The following UNC13C variants were observed in gnomAD, a reference collection of about 807,000 sequenced individuals.
UNC13C encodes unc-13 homolog C, also known as protein unc-13 homolog C.
Under a neutral mutation model 245.4 loss-of-function variants are expected in UNC13C, and 174 were observed. The ratio of observed to expected loss-of-function variants is 0.71; its 90% CI spans 0.63 to 0.80. The LOEUF is 0.80. Among genes scored for constraint, UNC13C ranks in the 30% least tolerant of loss-of-function variants. The pLI, the probability that UNC13C is intolerant of heterozygous loss-of-function variation, is 0.00. For missense variants in UNC13C, 2,829 were observed against 2,602.9 expected (o/e 1.09, Z -1.89); for synonymous variants, 992 against 895.1 (o/e 1.11, Z -1.93).
At chr15:54,553,422 TTATA>T (rs1256700563) in intron 28 of UNC13C, among the ~76,000 whole-genome samples, 1 of 132,268 alleles carries the variant, frequency 7.6e-6, no homozygotes, top group Non-Finnish European at 1.6e-5. Flanking sequence ...ATATATAATA[TTATA>T]TATAATATAT....
At chr15:54,451,764 C>G (rs987849164) in intron 19 of UNC13C, among the ~76,000 whole-genome samples, 7 of 151,934 alleles carry the variant, frequency 4.6e-5, no homozygotes, top group African/African-American at 1.7e-4. Flanking sequence ...TGATAAATTT[C>G]TTTTTCATTG....
At chr15:54,545,978 C>G (rs901200929) in intron 26 of UNC13C, among the ~76,000 whole-genome samples, 3 of 152,050 alleles carry the variant, frequency 2.0e-5, no homozygotes, top group African/African-American at 7.2e-5. Flanking sequence ...GACTATATAC[C>G]CAAAGGATTA....
intron 13 of UNC13C, among the ~76,000 whole-genome samples, chr15:54,313,665 G>C (rs1011419149): frequency 2.0e-5 from 3 of 151,706 alleles, no homozygotes; most frequent in African/African-American, 4.8e-5. Context: ...TGGGGAATAA[G>C]TCAAACAAAT....
At chr15:54,002,022 C>T (rs1335573481) in intron 1 of UNC13C, among the ~76,000 whole-genome samples, 1 of 152,296 alleles carries the variant, frequency 6.6e-6, no homozygotes, top group East Asian at 1.9e-4. Flanking sequence ...CGTGGTGGCT[C>T]ACGCCTGTAA....
intron 2 of UNC13C, among the ~76,000 whole-genome samples, chr15:54,026,158 A>G (rs969445447): frequency 2.0e-5 from 3 of 152,186 alleles, no homozygotes; most frequent in Non-Finnish European, 2.9e-5. Flanking sequence ...TGCCCTTTGC[A>G]TTTTCTAGAA....
chr15:54,502,254 G>A (rs908120898), intron 22 of UNC13C, among the ~76,000 whole-genome samples: 1 of 152,006 alleles, frequency 6.6e-6, no homozygotes, highest in African/African-American at 2.4e-5. Context: ...TGTATGGAAG[G>A]GCCAAAGCTG....
At chr15:54,553,618 C>A (rs1270684008) in intron 28 of UNC13C, among the ~76,000 whole-genome samples, 4 of 149,610 alleles carry the variant, frequency 2.7e-5, no homozygotes, top group African/African-American at 9.8e-5. Context: ...ATATTAAAAC[C>A]AATTGATGAA....
chr15:54,290,860 T>C (rs1419126807), intron 10 of UNC13C, among the ~76,000 whole-genome samples: 1 of 152,020 alleles, frequency 6.6e-6, no homozygotes, highest in East Asian at 1.9e-4. Context: ...TATTTGCAGG[T>C]AAAAAATGCA....
chr15:54,362,734 T>C (rs1274102245), intron 17 of UNC13C, among the ~76,000 whole-genome samples: 1 of 152,008 alleles, frequency 6.6e-6, no homozygotes, highest in Non-Finnish European at 1.5e-5. Context: ...ACTCTAATGA[T>C]CGAAAATCAC....
At chr15:54,067,792 A>G (rs1228026605) in intron 2 of UNC13C, among the ~76,000 whole-genome samples, 1 of 152,200 alleles carries the variant, frequency 6.6e-6, no homozygotes, top group Non-Finnish European at 1.5e-5. Context: ...AATGAAGATA[A>G]CGATCCCTGT....
At chr15:53,839,762 T>C in the UNC13C span, among the ~76,000 whole-genome samples, 4 of 152,064 alleles carry the variant, frequency 2.6e-5, no homozygotes, top group Admixed American at 2.6e-4. Context: ...TTGCCTTCAT[T>C]GGATTGATCA....
the UNC13C span, among the ~76,000 whole-genome samples, chr15:53,938,438 TAGACAGATCATTG>T: frequency 6.6e-6 from 1 of 152,160 alleles, no homozygotes; most frequent in South Asian, 2.1e-4. Flanking sequence ...CTGACAATAC[TAGACAGATCATTG>T]AGACAGAAAA....
At chr15:54,578,234 C>A (rs939496880) in intron 30 of UNC13C, among the ~76,000 whole-genome samples, 2 of 152,200 alleles carry the variant, frequency 1.3e-5, no homozygotes, top group Non-Finnish European at 2.9e-5. Flanking sequence ...GAAATTATCA[C>A]TTTTAATGTA....
chr15:53,964,940 C>A, the UNC13C span, among the ~76,000 whole-genome samples: 3 of 152,028 alleles, frequency 2.0e-5, no homozygotes, highest in Non-Finnish European at 2.9e-5. Context: ...ACATAGCCTG[C>A]CCCAAGATAC....
chr15:53,979,656 T>G (rs1467140582), intron 1 of UNC13C, among the ~76,000 whole-genome samples: 1 of 152,194 alleles, frequency 6.6e-6, no homozygotes, highest in East Asian at 1.9e-4. Context: ...TTGGCTGTCT[T>G]TAGTACCTAG....
At chr15:54,516,524 C>G (rs1353790989) in intron 24 of UNC13C, among the ~76,000 whole-genome samples, 1 of 152,044 alleles carries the variant, frequency 6.6e-6, no homozygotes, top group Non-Finnish European at 1.5e-5. Flanking sequence ...AGAATCAGGC[C>G]AGGTGTGGTA....
intron 30 of UNC13C, among the ~76,000 whole-genome samples, chr15:54,573,344 A>G (rs185709932): frequency 6.6e-5 from 10 of 152,360 alleles, no homozygotes; most frequent in African/African-American, 2.4e-4. Context: ...TTAGAAATTT[A>G]TGAGCCAAAT....
chr15:54,177,092 C>G (rs2033640740), intron 4 of UNC13C, among the ~76,000 whole-genome samples: 1 of 151,962 alleles, frequency 6.6e-6, no homozygotes, highest in Non-Finnish European at 1.5e-5. Context: ...GTTTCAAAGG[C>G]ATTCTGAAAA....
intron 30 of UNC13C, among the ~76,000 whole-genome samples, chr15:54,608,805 T>G (rs1022247672): frequency 1.3e-5 from 2 of 152,220 alleles, no homozygotes; most frequent in African/African-American, 4.8e-5. Context: ...ACAAATGTTA[T>G]TCATTCTGTT....
Sources: allele counts gnomAD v4.1 joint callset (sites outside exome capture counted in the v4.1 genomes callset), GRCh38; gene constraint gnomAD v4.1.1; transcripts MANE v1.5; gene names NCBI Gene and HGNC (gene_info 2026-07-23, HGNC 2026-07-21).